The following RAI14 variants were observed in gnomAD, a reference collection of about 807,000 sequenced individuals.
RAI14 encodes ankycorbin.
In RAI14, 45 loss-of-function variants were observed where a neutral mutation model predicts 115.4. The observed-to-expected ratio is 0.39, with a 90% CI of 0.31 to 0.50. The LOEUF is 0.50. Ranked by LOEUF, RAI14 falls within the 20% of genes least tolerant of loss-of-function variation. The pLI is 0.85. For missense variants in RAI14, 939 were observed against 1,131.2 expected, an observed-to-expected ratio of 0.83 and a Z score of 2.44; for synonymous variants, 371 against 415.4, an observed-to-expected ratio of 0.89 and a Z score of 1.30.
rs538897446 is a variant in RAI14, at chr5:34,660,219, G to A, written c.-49+3744G>A. Among the ~76,000 whole-genome samples the A allele has an allele frequency of 1.1e-4, 16 of 152,182 alleles. No homozygotes were observed. In the East Asian group the frequency reaches 3.1e-3, roughly 29 times the overall value. ...AGGCCGAGGCAGGTGGATCACCTGA[G>A]GTCAGGAGTTCGAGACCAGCCTGAC... is the stretch of plus-strand genomic sequence containing the variant. On this transcript the variant is annotated intron_variant, in intron 1 of 17. Transcript: ENST00000265109.
chr5:34,726,091 A>T (rs1743429983), intron 2 of RAI14, among the ~76,000 whole-genome samples: 1 of 151,852 alleles, frequency 6.6e-6, no homozygotes, highest in Non-Finnish European at 1.5e-5. Flanking sequence ...AAGATTTCAG[A>T]GAGGCCAGAC....
chr5:34,744,492 A>G (rs1313625340), intron 2 of RAI14, among the ~76,000 whole-genome samples: 4 of 152,138 alleles, frequency 2.6e-5, no homozygotes, highest in Admixed American at 6.5e-5. Flanking sequence ...CCCTCGCCCC[A>G]GTGACCACTG....
At chr5:34,779,908 G>A (rs1751391210) in intron 3 of RAI14, among the ~76,000 whole-genome samples, 1 of 152,108 alleles carries the variant, frequency 6.6e-6, no homozygotes, top group African/African-American at 2.4e-5. Context: ...AGCCTGCATT[G>A]CCAAGTCAAT....
intron 3 of RAI14, among the ~76,000 whole-genome samples, chr5:34,778,089 A>G (rs537599520): frequency 6.6e-6 from 1 of 152,376 alleles, no homozygotes; most frequent in South Asian, 2.1e-4. Context: ...TAATCTATGC[A>G]TGTAACAAAT....
intron 1 of RAI14, among the ~76,000 whole-genome samples, chr5:34,670,384 G>C (rs1743531135): frequency 6.6e-6 from 1 of 152,172 alleles, no homozygotes; most frequent in Non-Finnish European, 1.5e-5. Context: ...TCCTAGTCTG[G>C]AAGCTGAGAA....
At chr5:34,802,966 C>T (rs749632571) in intron 4 of RAI14, among the ~76,000 whole-genome samples, 9 of 152,126 alleles carry the variant, frequency 5.9e-5, no homozygotes, top group Non-Finnish European at 8.8e-5. Context: ...AGAGTAGGGG[C>T]TGAAGTGTGT....
intron 3 of RAI14, among the ~76,000 whole-genome samples, chr5:34,761,257 G>T (rs76004315): frequency 0.075 from 11,486 of 152,212 alleles, 562 homozygotes; most frequent in Middle Eastern, 0.18. Context: ...TGCAGTCACC[G>T]CTCACTGTAG....
intron 2 of RAI14, among the ~76,000 whole-genome samples, chr5:34,752,571 G>A (rs564242551): frequency 6.6e-6 from 1 of 151,936 alleles, no homozygotes; most frequent in South Asian, 2.1e-4. Context: ...GAGAGGGCCC[G>A]CGGGGCTTGA....
chr5:34,726,731 A>C (rs561851690), intron 2 of RAI14, among the ~76,000 whole-genome samples: 2 of 127,906 alleles, frequency 1.6e-5, no homozygotes, highest in South Asian at 4.8e-4. Context: ...ATGGTTTTAT[A>C]AAGGGGAGTT....
intron 2 of RAI14, among the ~76,000 whole-genome samples, chr5:34,745,809 G>A (rs1400425224): frequency 6.6e-6 from 1 of 151,910 alleles, no homozygotes; most frequent in East Asian, 1.9e-4. Flanking sequence ...ACTTCCCCCC[G>A]GGAGCTATTG....
At chr5:34,702,958 G>A (rs1439111285) in intron 2 of RAI14, among the ~76,000 whole-genome samples, 3 of 152,166 alleles carry the variant, frequency 2.0e-5, no homozygotes, top group Admixed American at 6.5e-5. Context: ...CGCCTGCCTC[G>A]GCCTCCCAAA....
intron 2 of RAI14, among the ~76,000 whole-genome samples, chr5:34,702,776 G>A (rs1313648487): frequency 6.6e-6 from 1 of 152,112 alleles, no homozygotes; most frequent in Non-Finnish European, 1.5e-5. Flanking sequence ...GCATAATCTT[G>A]GCTCACCATA....
At chr5:34,680,756 G>T (rs1658356545) in intron 1 of RAI14, among the ~76,000 whole-genome samples, 1 of 152,168 alleles carries the variant, frequency 6.6e-6, no homozygotes, top group African/African-American at 2.4e-5. Flanking sequence ...CATTTAGGAA[G>T]ACTTCTCTGA....
At chr5:34,686,804 G>A (rs1744939559) in intron 1 of RAI14, 68 bp from the exon 2 acceptor site, 2 of 1,037,892 alleles carry the variant, frequency 1.9e-6, no homozygotes, top group Non-Finnish European at 2.9e-6. Context: ...CATGACCCAA[G>A]TTGTAATCCA....
intron 2 of RAI14, among the ~76,000 whole-genome samples, chr5:34,702,741 C>T (rs1740234955): frequency 6.6e-6 from 1 of 152,182 alleles, no homozygotes; most frequent in Admixed American, 6.5e-5. Context: ...GAGTTTTACT[C>T]TTGTTGCCAG....
chr5:34,669,874 G>A (rs1313440306), intron 1 of RAI14, among the ~76,000 whole-genome samples: 1 of 152,158 alleles, frequency 6.6e-6, no homozygotes, highest in Non-Finnish European at 1.5e-5. Flanking sequence ...CCAGGCGAAC[G>A]TAAAAATAGC....
At chr5:34,706,160 C>G (rs1303770125) in intron 2 of RAI14, among the ~76,000 whole-genome samples, 1 of 152,112 alleles carries the variant, frequency 6.6e-6, no homozygotes, top group Non-Finnish European at 1.5e-5. Context: ...TATTCTCTGT[C>G]CATAGAAGGG....
chr5:34,806,157 C>G (rs1754865640), intron 5 of RAI14, among the ~76,000 whole-genome samples: 2 of 152,112 alleles, frequency 1.3e-5, no homozygotes, highest in South Asian at 4.1e-4. Context: ...CAAAGAGCCA[C>G]AAGGAAAGCA....
chr5:34,720,647 T>C (rs1312084837), intron 2 of RAI14, among the ~76,000 whole-genome samples: 2 of 152,150 alleles, frequency 1.3e-5, no homozygotes, highest in South Asian at 2.1e-4. Flanking sequence ...CCTGACTTTG[T>C]GATCTGCCCA....
Sources: gnomAD v4.1 joint callset for allele counts (sites outside exome capture counted in the v4.1 genomes callset) on GRCh38, gnomAD v4.1.1 for gene constraint, MANE v1.5 for transcripts, NCBI Gene and HGNC (gene_info 2026-07-23, HGNC 2026-07-21) for gene names.